Variants in PRKN observed in about 807,000 individuals in gnomAD.
PRKN encodes E3 ubiquitin-protein ligase parkin.
In PRKN, 56 loss-of-function variants were observed where a neutral mutation model predicts 59.5. That is an observed-to-expected ratio of 0.94 (90% confidence interval 0.76 to 1.18). PRKN has a LOEUF of 1.18. Among genes scored for constraint, PRKN ranks in the 50% most tolerant of loss-of-function variants. The pLI, the probability that PRKN is intolerant of heterozygous loss-of-function variation, is 0.00. For missense variants in PRKN, 657 were observed against 596.4 expected (o/e 1.10, Z -1.06); for synonymous variants, 250 against 222.1 (o/e 1.13, Z -1.12).
intron 1 of PRKN, among the ~76,000 whole-genome samples, chr6:162,609,034 A>G (rs1253167835): frequency 2.6e-5 from 4 of 152,308 alleles, no homozygotes; most frequent in East Asian, 1.9e-4. Context: ...GGCAGCAAGC[A>G]CTGGTTCTGC....
chr6:161,834,292 G>A (rs1792645402), intron 6 of PRKN, among the ~76,000 whole-genome samples: 1 of 152,070 alleles, frequency 6.6e-6, no homozygotes. Context: ...AAAGGCAGTG[G>A]GGAAAAGCTC....
chr6:162,533,185 C>G (rs1196461489), intron 1 of PRKN, among the ~76,000 whole-genome samples: 3 of 152,158 alleles, frequency 2.0e-5, no homozygotes, highest in Non-Finnish European at 2.9e-5. Flanking sequence ...TCATGTTTTA[C>G]CCAGTTACAA....
Position 161,413,544 on chromosome 6 carries a change from G to A in PRKN, c.1084-26667C>T, listed in dbSNP as rs185869563. Among the ~76,000 whole-genome samples, 6 of 152,280 alleles carry A rather than the reference G, an allele frequency of 3.9e-5. No individual in the cohort carries two copies. The highest frequency in any genetic ancestry group is 3.3e-4 in the Admixed American group (5 of 15,292). On this transcript the variant is annotated intron_variant, in intron 9 of 11. Coordinates refer to ENST00000366898, the MANE Select transcript of PRKN (RefSeq NM_004562.3). The surrounding 1 kb of genome is among the most constrained non-coding windows in gnomAD (Gnocchi z 4.4). ...GGCCGGAACCTGGCGGGCTCATGTGGGCACGCTGGCCATGGTGGGATGGCA... is the reference window on the plus strand; with the variant it reads ...GGCCGGAACCTGGCGGGCTCATGTGAGCACGCTGGCCATGGTGGGATGGCA...
chr6:162,457,571 A>G (rs904635257), intron 1 of PRKN, among the ~76,000 whole-genome samples: 27 of 152,162 alleles, frequency 1.8e-4, no homozygotes, highest in South Asian at 1.5e-3. Flanking sequence ...TTAGAAATAG[A>G]AGCTAAAATC....
chr6:161,386,929 A>C lies in PRKN; in HGVS notation c.1084-52T>G, dbSNP rs1786280482. 1 of 1,429,146 alleles carries C rather than the reference A, an allele frequency of 7.0e-7. No individual in the cohort carries two copies. Among genetic ancestry groups the C allele is most frequent in the Non-Finnish European group, 9.9e-7 (1 of 1,011,090 alleles). 88.5% of individuals were successfully genotyped at this position (1,429,146 alleles called of 1,614,324 possible). A position where few individuals can be genotyped will look rare whatever the true frequency, so the allele number is the denominator to read the frequency against. ...TAGGGACATTAGGTTGCATTTGGCA[A>C]TAACACATTTTTCCTTTTCCAAATT... On this transcript the variant is annotated intron_variant, in intron 9 of 11. Transcript: ENST00000366898. The surrounding 1 kb of genome is among the most constrained non-coding windows in gnomAD (Gnocchi z 4.3).
intron 2 of PRKN, among the ~76,000 whole-genome samples, chr6:162,329,478 C>T (rs9347622): frequency 0.32 from 48,929 of 151,936 alleles, 8,336 homozygotes; most frequent in Middle Eastern, 0.42. Context: ...GAAGGGACTC[C>T]GTAAGCAAGT....
chr6:161,669,746 G>A (rs1359593776), intron 7 of PRKN, among the ~76,000 whole-genome samples: 1 of 152,212 alleles, frequency 6.6e-6, no homozygotes, highest in Non-Finnish European at 1.5e-5. Flanking sequence ...GCTGACTGTG[G>A]GATGATCACT....
chr6:162,058,908 C>T (rs953411425), intron 4 of PRKN, among the ~76,000 whole-genome samples: 2 of 146,626 alleles, frequency 1.4e-5, no homozygotes, highest in African/African-American at 5.1e-5. Flanking sequence ...GCCGAGATCA[C>T]ACCACTGCAC....
chr6:161,936,602 G>C (rs571909904), intron 6 of PRKN, among the ~76,000 whole-genome samples: 1 of 152,074 alleles, frequency 6.6e-6, no homozygotes, highest in Non-Finnish European at 1.5e-5. Context: ...AGAGTGTTTT[G>C]AGAAAGCCAA....
At chr6:162,398,939 T>C (rs1254943889) in intron 2 of PRKN, among the ~76,000 whole-genome samples, 1 of 152,212 alleles carries the variant, frequency 6.6e-6, no homozygotes, top group Non-Finnish European at 1.5e-5. Context: ...AAACTGAAGA[T>C]GTAAATTTTT....
chr6:162,526,086 G>A (rs544821080), intron 1 of PRKN, among the ~76,000 whole-genome samples: 11 of 152,094 alleles, frequency 7.2e-5, no homozygotes, highest in African/African-American at 1.9e-4. Context: ...CAAGCGATCC[G>A]CCTGCCTTGG....
intron 6 of PRKN, among the ~76,000 whole-genome samples, chr6:161,879,054 C>G (rs1260158693): frequency 6.6e-6 from 1 of 152,110 alleles, no homozygotes; most frequent in Non-Finnish European, 1.5e-5. Flanking sequence ...GATTCCTACC[C>G]TCTGCTCCAA....
chr6:162,520,855 G>A (rs1240351988), intron 1 of PRKN, among the ~76,000 whole-genome samples: 1 of 151,564 alleles, frequency 6.6e-6, no homozygotes, highest in African/African-American at 2.4e-5. Context: ...CTTTCGCTAA[G>A]CAAATCTTTT....
At chr6:162,275,532 C>G (rs537115572) in intron 2 of PRKN, 2 of 151,948 alleles carry the variant, frequency 1.3e-5, no homozygotes, top group African/African-American at 2.4e-5. Context: ...TGCCTGTAAT[C>G]CCAGCACTTT....
intron 2 of PRKN, among the ~76,000 whole-genome samples, chr6:162,388,683 C>A (rs1171855038): frequency 6.6e-6 from 1 of 152,160 alleles, no homozygotes; most frequent in African/African-American, 2.4e-5. Context: ...CTCTGTGCCA[C>A]GTACTGTGCT....
intron 1 of PRKN, among the ~76,000 whole-genome samples, chr6:162,509,877 G>C (rs1271861972): frequency 6.6e-6 from 1 of 152,122 alleles, no homozygotes; most frequent in African/African-American, 2.4e-5. Context: ...TGCTGTTCCT[G>C]CTTGCGTGAA....
intron 1 of PRKN, among the ~76,000 whole-genome samples, chr6:162,593,839 T>C (rs1781395870): frequency 6.6e-6 from 1 of 152,180 alleles, no homozygotes; most frequent in African/African-American, 2.4e-5. Context: ...TAATTTATTC[T>C]AGAATAATCT....
intron 2 of PRKN, among the ~76,000 whole-genome samples, chr6:162,363,977 T>A (rs1785287006): frequency 1.3e-5 from 2 of 152,210 alleles, no homozygotes; most frequent in Admixed American, 6.5e-5. Context: ...AATCCACCCA[T>A]GAGTAAGTTC....
At position 161,525,050 on chromosome 6, in the gene PRKN, T is replaced by C. The variant is rs1778969257; in HGVS notation, c.1083+23804A>G. ...TTGTTGTAGCTTGTTCTTACCTCTA[T>C]TCTGCCTAAGCAAATGATATTTCAT... is the stretch of plus-strand genomic sequence containing the variant. On this transcript the variant is annotated intron_variant, in intron 9 of 11. Coordinates refer to ENST00000366898, the MANE Select transcript of PRKN (RefSeq NM_004562.3). This position sits in a 1 kb window ranked among gnomAD's most constrained non-coding sequence, Gnocchi z 4.7. Among the ~76,000 whole-genome samples, 1 of 152,212 alleles carries C rather than the reference T, an allele frequency of 6.6e-6. No individual in the cohort carries two copies. Among genetic ancestry groups the C allele is most frequent in the Non-Finnish European group, 1.5e-5 (1 of 68,042 alleles).
Sources: gnomAD v4.1 joint callset for allele counts (sites outside exome capture counted in the v4.1 genomes callset) on GRCh38, gnomAD v4.1.1 for gene constraint, Gnocchi (gnomAD v3.1) non-coding constraint, MANE v1.5 for transcripts, NCBI Gene and HGNC (gene_info 2026-07-23, HGNC 2026-07-21) for gene names.